Variants in PTPRQ observed in about 807,000 individuals in gnomAD.
PTPRQ encodes protein tyrosine phosphatase receptor type Q, also known as phosphatidylinositol phosphatase PTPRQ.
PTPRQ carries 199 observed loss-of-function variants against 246.0 expected under a neutral mutation model. The ratio of observed to expected loss-of-function variants is 0.81; its 90% confidence interval spans 0.72 to 0.91. PTPRQ has a LOEUF of 0.91. Ranked by LOEUF, PTPRQ falls within the 40% of genes least tolerant of loss-of-function variation. The pLI, the probability that PTPRQ is intolerant of heterozygous loss-of-function variation, is 0.00. For synonymous variants in PTPRQ, 869 were observed against 853.2 expected (o/e 1.02, Z -0.32); for missense variants, 2,624 against 2,528.4 (o/e 1.04, Z -0.81).
At chr12:80,467,577 A>C (rs2120522681) in intron 6 of PTPRQ, among the ~76,000 whole-genome samples, 1 of 152,316 alleles carries the variant, frequency 6.6e-6, no homozygotes, top group Non-Finnish European at 1.5e-5. Flanking sequence ...TTGCGGCATT[A>C]TTCACAATAG....
intron 1 of PTPRQ, 104 bp from the exon 2 acceptor site, chr12:80,444,637 G>A (rs1892497376): frequency 2.4e-6 from 2 of 824,496 alleles, no homozygotes; most frequent in South Asian, 2.9e-5. Flanking sequence ...ACAGTGCAGA[G>A]TTATATAGTG....
chr12:80,524,512 T>C (rs1179775021), intron 17 of PTPRQ, among the ~76,000 whole-genome samples: 1 of 152,126 alleles, frequency 6.6e-6, no homozygotes, highest in Non-Finnish European at 1.5e-5. Context: ...ATTGCACAAT[T>C]TTAGCATTAA....
intron 20 of PTPRQ, among the ~76,000 whole-genome samples, chr12:80,540,865 C>T (rs1896130118): frequency 2.6e-5 from 4 of 152,100 alleles, no homozygotes; most frequent in Admixed American, 2.0e-4. Flanking sequence ...CAACCTATGA[C>T]ATTTTATCAC....
rs1273923556 is a variant in PTPRQ, at chr12:80,521,119, G to A, written c.2678+10676G>A. ...CATTTCTCTGATGGCCAGTGATGAT[G>A]AGCATTTTTTCATGTGTCTTTTGGC... On this transcript the variant is annotated intron_variant, in intron 17 of 44. Coordinates refer to ENST00000644991, the MANE Select transcript of PTPRQ (RefSeq NM_001145026.2). Among the ~76,000 whole-genome samples, 6 of 152,098 alleles carry A rather than the reference G, an allele frequency of 3.9e-5. No individual in the cohort carries two copies. In the East Asian group the frequency reaches 7.7e-4, roughly 19 times the overall value.
intron 43 of PTPRQ, among the ~76,000 whole-genome samples, chr12:80,678,094 GGACCA>G (rs1427224729): frequency 6.6e-6 from 1 of 152,060 alleles, no homozygotes; most frequent in Non-Finnish European, 1.5e-5. Flanking sequence ...TTACAAATCA[GGACCA>G]GATACTTGAT....
chr12:80,668,850 C>T (rs781577569), intron 39 of PTPRQ, among the ~76,000 whole-genome samples, 157 bp from the exon 40 acceptor site: 49 of 150,712 alleles, frequency 3.3e-4, no homozygotes, highest in African/African-American at 9.3e-4. Context: ...TAAATTTAGA[C>T]GTTGGAAATT....
intron 25 of PTPRQ, among the ~76,000 whole-genome samples, chr12:80,573,713 T>C (rs1897211079): frequency 6.6e-6 from 1 of 152,212 alleles, no homozygotes; most frequent in Admixed American, 6.5e-5. Flanking sequence ...CCTGATTTTA[T>C]TCATGATGTG....
intron 22 of PTPRQ, 36 bp from the exon 23 acceptor site, chr12:80,542,694 T>A (rs1326080618): frequency 1.3e-6 from 2 of 1,517,782 alleles, no homozygotes; most frequent in African/African-American, 2.8e-5. Flanking sequence ...GTTAAAAGTT[T>A]TATGAATGTA....
chr12:80,630,548 C>T (rs1329129572), intron 33 of PTPRQ, among the ~76,000 whole-genome samples: 1 of 152,096 alleles, frequency 6.6e-6, no homozygotes. Context: ...ACAGCATGAT[C>T]CTTCATTGGA....
chr12:80,514,556 T>TATAA, intron 17 of PTPRQ, among the ~76,000 whole-genome samples: 1 of 143,812 alleles, frequency 7.0e-6, no homozygotes, highest in African/African-American at 2.5e-5. Flanking sequence ...TATATATATA[T>TATAA]AAATATATAT....
At chr12:80,491,207 G>C (rs1894438749) in intron 9 of PTPRQ, among the ~76,000 whole-genome samples, 1 of 151,928 alleles carries the variant, frequency 6.6e-6, no homozygotes, top group Non-Finnish European at 1.5e-5. Flanking sequence ...AAAATATTGA[G>C]AGATTTAATG....
At chr12:80,479,211 G>A (rs1347638760) in intron 8 of PTPRQ, among the ~76,000 whole-genome samples, 62 of 149,456 alleles carry the variant, frequency 4.1e-4, no homozygotes, top group African/African-American at 1.4e-3. Context: ...AAGAGAGTGG[G>A]GGCCAATATT....
intron 34 of PTPRQ, among the ~76,000 whole-genome samples, chr12:80,633,423 C>T (rs1162652204): frequency 6.6e-6 from 1 of 152,208 alleles, no homozygotes; most frequent in African/African-American, 2.4e-5. Context: ...CAGCATCCTA[C>T]TTCCCTTATT....
chr12:80,495,440 C>G (rs930839059), intron 12 of PTPRQ, 69 bp downstream of exon 12: 43 of 1,456,596 alleles, frequency 3.0e-5, no homozygotes, highest in Non-Finnish European at 3.8e-5. Context: ...GAAAATATGC[C>G]CATCTCCCTG....
At chr12:80,657,924 T>A (rs1246126793) in intron 38 of PTPRQ, 61 bp from the exon 39 acceptor site, 2 of 1,199,092 alleles carry the variant, frequency 1.7e-6, no homozygotes, top group Non-Finnish European at 2.2e-6. Context: ...ACTTTTATAG[T>A]AAAAAAAGTA....
At chr12:80,571,649 G>A (rs1410892440) in intron 25 of PTPRQ, among the ~76,000 whole-genome samples, 1 of 151,932 alleles carries the variant, frequency 6.6e-6, no homozygotes, top group African/African-American at 2.4e-5. Flanking sequence ...AAATGTTATA[G>A]TTTTAACTTA....
chr12:80,640,605 G>A (rs1899822264), intron 35 of PTPRQ, among the ~76,000 whole-genome samples: 1 of 152,116 alleles, frequency 6.6e-6, no homozygotes, highest in Admixed American at 6.5e-5. Context: ...GACGCAAGGA[G>A]ATTTTTGTCA....
chr12:80,453,367 G>A (rs1422927328), intron 3 of PTPRQ, among the ~76,000 whole-genome samples: 7 of 152,142 alleles, frequency 4.6e-5, no homozygotes, highest in Non-Finnish European at 1.0e-4. Context: ...CTCTCAACTC[G>A]TGAAAGTCAT....
At chr12:80,500,181 A>G (rs552837500) in intron 14 of PTPRQ, among the ~76,000 whole-genome samples, 1 of 152,108 alleles carries the variant, frequency 6.6e-6, no homozygotes, top group Admixed American at 6.6e-5. Context: ...CTTTTTTACT[A>G]TCATCATGGA....
Sources: allele counts gnomAD v4.1 joint callset (sites outside exome capture counted in the v4.1 genomes callset), GRCh38; gene constraint gnomAD v4.1.1; transcripts MANE v1.5; gene names NCBI Gene and HGNC (gene_info 2026-07-23, HGNC 2026-07-21).